SHISA9: variants seen among roughly 807,000 people sequenced by gnomAD.
The protein encoded by SHISA9 is shisa family member 9, also known as protein shisa-9.
In SHISA9, 13 loss-of-function variants were observed where a neutral mutation model predicts 38.0. That is an observed-to-expected ratio of 0.34 (90% CI 0.22 to 0.54). The LOEUF (loss-of-function observed/expected upper bound fraction) is 0.54. Among genes scored for constraint, SHISA9 ranks in the 20% least tolerant of loss-of-function variants. The pLI, the probability that SHISA9 is intolerant of heterozygous loss-of-function variation, is 0.91. For synonymous variants in SHISA9, 275 were observed against 242.0 expected (o/e 1.14, Z -1.27); for missense variants, 538 against 575.8 (o/e 0.93, Z 0.67).
the SHISA9 span, among the ~76,000 whole-genome samples, chr16:13,293,597 A>G: frequency 6.6e-6 from 1 of 152,162 alleles, no homozygotes; most frequent in African/African-American, 2.4e-5. Context: ...CTGACACAAA[A>G]CAAGCACCTG....
At chr16:13,450,836 G>A in the SHISA9 span, among the ~76,000 whole-genome samples, 11,138 of 152,170 alleles carry the variant, frequency 0.073, 561 homozygotes, top group South Asian at 0.18. Context: ...GCCCTATTAG[G>A]CTTGAAAATT....
At chr16:13,039,539 G>A (rs1213891678) in intron 2 of SHISA9, among the ~76,000 whole-genome samples, 1 of 148,290 alleles carries the variant, frequency 6.7e-6, no homozygotes, top group African/African-American at 2.5e-5. Context: ...GATTAAGGAG[G>A]ATGACATATT....
chr16:13,507,456 C>A, the SHISA9 span, among the ~76,000 whole-genome samples: 9 of 152,234 alleles, frequency 5.9e-5, no homozygotes, highest in South Asian at 1.9e-3. Flanking sequence ...GATTGTCTAA[C>A]ATTAGCGTAG....
the SHISA9 span, among the ~76,000 whole-genome samples, chr16:13,378,817 A>G: frequency 6.6e-6 from 1 of 152,236 alleles, no homozygotes; most frequent in African/African-American, 2.4e-5. Context: ...CACAAGGATC[A>G]TATGCATTCT....
chr16:13,262,698 A>AAGGAAGGAAGGG, the SHISA9 span, among the ~76,000 whole-genome samples: 2 of 113,174 alleles, frequency 1.8e-5, 1 homozygote, highest in African/African-American at 7.0e-5. Context: ...GGAAGGAAGG[A>AAGGAAGGAAGGG]AGGAAGGAAG....
chr16:13,348,325 T>A, the SHISA9 span, among the ~76,000 whole-genome samples: 1 of 152,178 alleles, frequency 6.6e-6, no homozygotes, highest in South Asian at 2.1e-4. Flanking sequence ...ATATTCACGC[T>A]CCAAAAGTGT....
the SHISA9 span, among the ~76,000 whole-genome samples, chr16:13,293,608 A>G: frequency 1.3e-5 from 2 of 152,232 alleles, no homozygotes; most frequent in African/African-American, 4.8e-5. Context: ...CAAGCACCTG[A>G]TAAGTGTTAT....
intron 2 of SHISA9, among the ~76,000 whole-genome samples, chr16:13,171,844 A>G (rs538133294): frequency 6.6e-6 from 1 of 152,152 alleles, no homozygotes; most frequent in Non-Finnish European, 1.5e-5. Flanking sequence ...GCATATGATA[A>G]AATTGCAACA....
chr16:13,063,540 T>A (rs1030520607), intron 2 of SHISA9, among the ~76,000 whole-genome samples: 4 of 152,090 alleles, frequency 2.6e-5, no homozygotes, highest in African/African-American at 9.7e-5. Context: ...TTGTGGGGCG[T>A]CAATGAAATA....
At chr16:13,508,134 G>A in the SHISA9 span, among the ~76,000 whole-genome samples, 1 of 151,948 alleles carries the variant, frequency 6.6e-6, no homozygotes, top group Non-Finnish European at 1.5e-5. Context: ...TCTGTAATAT[G>A]GGAATAAAAG....
intron 4 of SHISA9, among the ~76,000 whole-genome samples, chr16:13,230,362 A>C (rs552233486): frequency 6.6e-6 from 1 of 152,352 alleles, no homozygotes; most frequent in East Asian, 1.9e-4. Flanking sequence ...TTACTGAAGG[A>C]GAACAATGTT....
chr16:12,905,905 T>G (rs1268238540), intron 1 of SHISA9, among the ~76,000 whole-genome samples: 1 of 152,190 alleles, frequency 6.6e-6, no homozygotes, highest in Non-Finnish European at 1.5e-5. Flanking sequence ...CTGACCGTAT[T>G]TGTATTCTGT....
At chr16:12,905,012 C>T (rs761890029) in intron 1 of SHISA9, among the ~76,000 whole-genome samples, 2 of 152,040 alleles carry the variant, frequency 1.3e-5, no homozygotes, top group Non-Finnish European at 2.9e-5. Context: ...GCCACTGTGC[C>T]CGATTGCATC....
At chr16:13,425,497 A>T in the SHISA9 span, among the ~76,000 whole-genome samples, 1 of 152,118 alleles carries the variant, frequency 6.6e-6, no homozygotes. Context: ...AAACAAAAAC[A>T]AAAACTAAAA....
At chr16:13,049,306 AAG>A (rs2141896993) in intron 2 of SHISA9, among the ~76,000 whole-genome samples, 1 of 152,128 alleles carries the variant, frequency 6.6e-6, no homozygotes, top group South Asian at 2.1e-4. Flanking sequence ...GATCATCTCC[AAG>A]TCTCCCTTTC....
chr16:13,472,355 G>C, the SHISA9 span, among the ~76,000 whole-genome samples: 31 of 136,014 alleles, frequency 2.3e-4, no homozygotes, highest in Non-Finnish European at 4.2e-4. Context: ...CCTTCATTTA[G>C]AGCTTATTAA....
intron 2 of SHISA9, among the ~76,000 whole-genome samples, chr16:13,079,872 T>A (rs182521605): frequency 5.3e-5 from 8 of 152,200 alleles, no homozygotes; most frequent in Non-Finnish European, 2.9e-5. Flanking sequence ...AACATATAAT[T>A]ATGGTTTAAA....
At chr16:13,265,029 C>G in the SHISA9 span, among the ~76,000 whole-genome samples, 2 of 127,550 alleles carry the variant, frequency 1.6e-5, no homozygotes, top group African/African-American at 6.0e-5. Flanking sequence ...TCCCTCTGCT[C>G]CCCTCTCCTC....
intron 2 of SHISA9, among the ~76,000 whole-genome samples, chr16:13,033,110 T>G (rs1233918544): frequency 1.3e-5 from 2 of 152,164 alleles, no homozygotes; most frequent in East Asian, 3.9e-4. Flanking sequence ...GATAGGGTGC[T>G]TTTTTCTTCT....
Sources: allele counts gnomAD v4.1 joint callset (sites outside exome capture counted in the v4.1 genomes callset), GRCh38; gene constraint gnomAD v4.1.1; transcripts MANE v1.5; gene names NCBI Gene and HGNC (gene_info 2026-07-23, HGNC 2026-07-21).